The following DCDC1 variants were observed in gnomAD, a reference collection of about 807,000 sequenced individuals.
DCDC1 encodes doublecortin domain containing 1, also known as doublecortin domain-containing protein 1.
In DCDC1, 200 loss-of-function variants were observed where a neutral mutation model predicts 178.3. The observed-to-expected ratio is 1.12, with a 90% CI of 1.00 to 1.26. The LOEUF (loss-of-function observed/expected upper bound fraction) is 1.26. Among genes scored for constraint, DCDC1 ranks in the 50% most tolerant of loss-of-function variants. The pLI, the probability that DCDC1 is intolerant of heterozygous loss-of-function variation, is 0.00. For missense variants in DCDC1, 1,983 were observed against 1,749.2 expected (o/e 1.13, Z -2.38); for synonymous variants, 690 against 604.8 (o/e 1.14, Z -2.07).
chr11:31,335,064 A>G (rs1171779872), intron 2 of DCDC1, among the ~76,000 whole-genome samples: 1 of 152,146 alleles, frequency 6.6e-6, no homozygotes, highest in Admixed American at 6.5e-5. Flanking sequence ...GCCCCGTTCA[A>G]GCTTCCCCAG....
intron 20 of DCDC1, among the ~76,000 whole-genome samples, chr11:30,955,295 C>T (rs915118700): frequency 6.6e-6 from 1 of 152,168 alleles, no homozygotes; most frequent in African/African-American, 2.4e-5. Context: ...AAGCACATAT[C>T]AATAGACCAT....
At position 31,225,709 on chromosome 11, in the gene DCDC1, G is replaced by GATATATATCTATATCTACCTAGATACATA. The variant is rs1565464192; in HGVS notation, c.1221+15740_1221+15741insTATGTATCTAGGTAGATATAGATATATAT. Among the ~76,000 whole-genome samples, 686 of 149,356 alleles carry GATATATATCTATATCTACCTAGATACATA rather than the reference G, an allele frequency of 4.6e-3. 7 individuals are homozygous for GATATATATCTATATCTACCTAGATACATA. The highest frequency in any genetic ancestry group is 0.016 in the African/African-American group (656 of 40,892). ...AGAAAAATTATATATATATATCTAG[G>GATATATATCTATATCTACCTAGATACATA]TAGATATATATCTATATCTACCTAG... On this transcript the variant is annotated intron_variant, in intron 9 of 38. Transcript: ENST00000684477.
chr11:31,328,036 G>A, intron 3 of DCDC1, 81 bp downstream of exon 3: 1 of 1,404,256 alleles, frequency 7.1e-7, no homozygotes, highest in South Asian at 1.6e-5. Flanking sequence ...GGCCAAGACT[G>A]ATTGAAAATT....
intron 34 of DCDC1, among the ~76,000 whole-genome samples, chr11:30,898,948 A>G (rs1261923199): frequency 6.6e-6 from 1 of 152,184 alleles, no homozygotes; most frequent in Non-Finnish European, 1.5e-5. Context: ...TGGGAATAGT[A>G]TAGGGTCAGA....
At chr11:31,283,261 T>C (rs985615917) in intron 7 of DCDC1, among the ~76,000 whole-genome samples, 2 of 152,168 alleles carry the variant, frequency 1.3e-5, no homozygotes, top group African/African-American at 4.8e-5. Flanking sequence ...GCTTTCAGCC[T>C]TTTCCTTCTG....
chr11:31,204,120 G>A (rs1971609865), intron 9 of DCDC1, among the ~76,000 whole-genome samples: 1 of 152,314 alleles, frequency 6.6e-6, no homozygotes, highest in African/African-American at 2.4e-5. Flanking sequence ...ATTGAATGCA[G>A]TGTTGGGAAG....
At chr11:31,366,494 C>G (rs533635738) in intron 1 of DCDC1, among the ~76,000 whole-genome samples, 1 of 152,006 alleles carries the variant, frequency 6.6e-6, no homozygotes, top group South Asian at 2.1e-4. Context: ...AGTTGAGGGG[C>G]GGCAGTAAGT....
intron 20 of DCDC1, among the ~76,000 whole-genome samples, chr11:30,995,378 AG>A (rs530855026): frequency 1.3e-5 from 2 of 152,154 alleles, no homozygotes; most frequent in Non-Finnish European, 2.9e-5. Flanking sequence ...TAAAAATCCC[AG>A]CAAACTCTTT....
At chr11:30,935,432 C>A (rs982179008) in intron 21 of DCDC1, among the ~76,000 whole-genome samples, 16 of 152,194 alleles carry the variant, frequency 1.1e-4, no homozygotes, top group African/African-American at 3.9e-4. Context: ...TAATTACTAA[C>A]CTGATTGGGT....
At chr11:31,286,392 C>T (rs1251938414) in intron 7 of DCDC1, among the ~76,000 whole-genome samples, 1 of 151,852 alleles carries the variant, frequency 6.6e-6, no homozygotes, top group East Asian at 1.9e-4. Flanking sequence ...ATATATATGT[C>T]ATAATATATA....
At chr11:31,314,401 A>G (rs955383948) in intron 3 of DCDC1, 6 of 152,204 alleles carry the variant, frequency 3.9e-5, no homozygotes, top group African/African-American at 1.4e-4. Flanking sequence ...TTGAAGCACA[A>G]CAAACTACCA....
At chr11:31,351,304 C>G (rs1951061208) in intron 1 of DCDC1, among the ~76,000 whole-genome samples, 1 of 151,956 alleles carries the variant, frequency 6.6e-6, no homozygotes, top group Admixed American at 6.6e-5. Flanking sequence ...ATATTTATTT[C>G]TTTGAAAAGG....
At chr11:31,011,986 T>C (rs1253276533) in intron 20 of DCDC1, among the ~76,000 whole-genome samples, 2 of 152,130 alleles carry the variant, frequency 1.3e-5, no homozygotes, top group Admixed American at 6.5e-5. Flanking sequence ...ATTTCTCCCT[T>C]GCTGTTCTTG....
At chr11:31,230,693 AC>A (rs1192225331) in intron 9 of DCDC1, among the ~76,000 whole-genome samples, 2 of 152,226 alleles carry the variant, frequency 1.3e-5, no homozygotes, top group Admixed American at 1.3e-4. Flanking sequence ...AATTTAGAAA[AC>A]TGGGTAACCT....
intron 1 of DCDC1, among the ~76,000 whole-genome samples, chr11:31,356,609 A>G (rs1275145776): frequency 1.3e-5 from 2 of 151,104 alleles, no homozygotes; most frequent in African/African-American, 4.9e-5. Flanking sequence ...AAGGAAATAG[A>G]GACACAAAAA....
intron 1 of DCDC1, among the ~76,000 whole-genome samples, chr11:31,345,193 C>T (rs1266177031): frequency 6.6e-6 from 1 of 151,776 alleles, no homozygotes; most frequent in Non-Finnish European, 1.5e-5. Context: ...TTGCAGATAA[C>T]AACATGTTAT....
At chr11:31,152,425 G>A (rs12282642) in intron 9 of DCDC1, among the ~76,000 whole-genome samples, 13,852 of 152,224 alleles carry the variant, frequency 0.091, 1,732 homozygotes, top group African/African-American at 0.28. Context: ...GTTGCTCTAT[G>A]CAGGGTAACC....
At chr11:31,019,262 T>C (rs903132215) in intron 20 of DCDC1, among the ~76,000 whole-genome samples, 1 of 152,174 alleles carries the variant, frequency 6.6e-6, no homozygotes, top group Non-Finnish European at 1.5e-5. Flanking sequence ...ATTCTACTAT[T>C]AGTATCATTA....
At chr11:31,283,943 C>G (rs1480727885) in intron 7 of DCDC1, among the ~76,000 whole-genome samples, 1 of 150,676 alleles carries the variant, frequency 6.6e-6, no homozygotes, top group Non-Finnish European at 1.5e-5. Flanking sequence ...CTCAGATTCT[C>G]TCTTCTCTCT....
Sources: gnomAD v4.1 joint callset for allele counts (sites outside exome capture counted in the v4.1 genomes callset) on GRCh38, gnomAD v4.1.1 for gene constraint, MANE v1.5 for transcripts, NCBI Gene and HGNC (gene_info 2026-07-23, HGNC 2026-07-21) for gene names.